ST3GAL3: variants seen among roughly 807,000 people sequenced by gnomAD.
The protein encoded by ST3GAL3 is ST3 beta-galactoside alpha-2,3-sialyltransferase 3.
A neutral mutation model predicts 50.1 loss-of-function variants in ST3GAL3; 21 were observed. That is an observed-to-expected ratio of 0.42 (90% CI 0.30 to 0.60). The LOEUF is 0.60. ST3GAL3 is among the 20% of genes least tolerant of loss of function. The pLI is 0.19. For missense variants in ST3GAL3, 353 were observed against 489.4 expected (o/e 0.72, Z 2.63); for synonymous variants, 183 against 190.0 (o/e 0.96, Z 0.30).
intron 5 of ST3GAL3, among the ~76,000 whole-genome samples, chr1:43,858,630 C>CAGCCCTGT (rs1311367041): frequency 1.1e-4 from 16 of 152,220 alleles, no homozygotes; most frequent in Admixed American, 9.2e-4. Flanking sequence ...CAGGAGCAAG[C>CAGCCCTGT]AGCCCTGTGA....
chr1:43,831,613 C>T (rs2063558043), intron 4 of ST3GAL3: 1 of 152,186 alleles, frequency 6.6e-6, no homozygotes, highest in Non-Finnish European at 1.5e-5. Flanking sequence ...TTTTTGGAAA[C>T]TGTTTTGTGG....
rs529434459 is a variant in ST3GAL3, at chr1:43,856,391, A to G, written c.302+18080A>G. 2.0e-5 allele frequency among the ~76,000 whole-genome samples: 3 copies of G among 152,346 alleles called. No individual in the cohort carries two copies. The South Asian group carries it at 6.2e-4, about 32-fold the overall frequency. Reference sequence around the variant, plus strand: ...GTAAGCTAACGACTTGCTCAAGGTCATAGTAGCACAGAGCCAGGAATCAAA... The same window carrying G: ...GTAAGCTAACGACTTGCTCAAGGTCGTAGTAGCACAGAGCCAGGAATCAAA... On this transcript the variant is annotated intron_variant, in intron 5 of 11. Transcript: ENST00000347631.
chr1:43,851,612 G>C, intron 5 of ST3GAL3: 1 of 1,315,100 alleles, frequency 7.6e-7, no homozygotes, highest in Non-Finnish European at 1.1e-6. Context: ...CCCTCTGCCG[G>C]TACTCTCCTT....
At chr1:43,929,286 A>T (rs890353596) in intron 11 of ST3GAL3, among the ~76,000 whole-genome samples, 1 of 148,426 alleles carries the variant, frequency 6.7e-6, no homozygotes, top group African/African-American at 2.5e-5. Flanking sequence ...AATTCTTTCA[A>T]TTAAAAAATT....
intron 3 of ST3GAL3, among the ~76,000 whole-genome samples, chr1:43,804,374 A>G (rs1322507162): frequency 3.9e-5 from 6 of 152,096 alleles, no homozygotes; most frequent in African/African-American, 1.4e-4. Flanking sequence ...CCTAAAGATG[A>G]TGCTTAAATT....
chr1:43,787,549 AC>A (rs2057499637), intron 2 of ST3GAL3, among the ~76,000 whole-genome samples: 1 of 152,246 alleles, frequency 6.6e-6, no homozygotes, highest in African/African-American at 2.4e-5. Flanking sequence ...TGAATATGTC[AC>A]CAACTTCCTC....
chr1:43,907,322 A>G (rs1426293207), intron 9 of ST3GAL3, among the ~76,000 whole-genome samples: 2 of 152,182 alleles, frequency 1.3e-5, no homozygotes, highest in East Asian at 3.8e-4. Flanking sequence ...TCCCTTTCCC[A>G]GTGCTTTCCT....
At chr1:43,770,086 CAA>C (rs1341841548) in intron 2 of ST3GAL3, among the ~76,000 whole-genome samples, 1 of 151,900 alleles carries the variant, frequency 6.6e-6, no homozygotes, top group African/African-American at 2.4e-5. Context: ...AGCACATAAT[CAA>C]AAGATTTTTG....
intron 2 of ST3GAL3, among the ~76,000 whole-genome samples, chr1:43,778,065 G>C (rs1009674877): frequency 6.6e-6 from 1 of 152,090 alleles, no homozygotes; most frequent in Non-Finnish European, 1.5e-5. Context: ...AAGAAAATGT[G>C]GTACATATAC....
chr1:43,868,088 T>C (rs951054597), intron 5 of ST3GAL3, among the ~76,000 whole-genome samples: 3 of 152,228 alleles, frequency 2.0e-5, no homozygotes, highest in Non-Finnish European at 2.9e-5. Context: ...AACATGTTTA[T>C]GATAATAGCA....
intron 2 of ST3GAL3, among the ~76,000 whole-genome samples, chr1:43,763,854 GAACTATACTCCTTACAGTGTT>G (rs2154124042): frequency 6.6e-6 from 1 of 152,248 alleles, no homozygotes; most frequent in South Asian, 2.1e-4. Context: ...ATTACTTAGT[GAACTATACTCCTTACAGTGTT>G]AACCTCTCTC....
chr1:43,821,924 T>C (rs770830914), intron 4 of ST3GAL3, among the ~76,000 whole-genome samples: 2 of 152,248 alleles, frequency 1.3e-5, no homozygotes, highest in Non-Finnish European at 2.9e-5. Flanking sequence ...TTCTGTGGTC[T>C]GAGGATATAC....
intron 2 of ST3GAL3, among the ~76,000 whole-genome samples, chr1:43,783,697 G>A (rs753916200): frequency 4.6e-5 from 7 of 151,908 alleles, no homozygotes; most frequent in African/African-American, 7.3e-5. Flanking sequence ...TGCTTGAGTC[G>A]TACACACAGG....
chr1:43,750,986 T>G (rs1034876507), intron 2 of ST3GAL3, among the ~76,000 whole-genome samples: 5 of 152,110 alleles, frequency 3.3e-5, no homozygotes, highest in Non-Finnish European at 5.9e-5. Context: ...ATATTTTTGG[T>G]ATATATGACA....
intron 5 of ST3GAL3, among the ~76,000 whole-genome samples, chr1:43,848,294 C>CTTTTTTTTTTTTTTTTTTT (rs58438507): frequency 1.4e-5 from 1 of 70,390 alleles, no homozygotes; most frequent in African/African-American, 6.0e-5. Context: ...TTGTGGTTTT[C>CTTTTTTTTTTTTTTTTTTT]TTTTTTTTTT....
At chr1:43,891,636 A>G (rs533637994) in intron 5 of ST3GAL3, among the ~76,000 whole-genome samples, 2 of 152,258 alleles carry the variant, frequency 1.3e-5, no homozygotes, top group South Asian at 4.1e-4. Context: ...ACATATATCA[A>G]ATACATGAAA....
At chr1:43,742,697 T>C (rs966749671) in intron 2 of ST3GAL3, among the ~76,000 whole-genome samples, 2 of 152,012 alleles carry the variant, frequency 1.3e-5, no homozygotes, top group African/African-American at 4.8e-5. Context: ...TAAAGGAAAA[T>C]ACAGTAGTGA....
At chr1:43,823,963 T>C (rs2154186074) in intron 4 of ST3GAL3, among the ~76,000 whole-genome samples, 1 of 152,354 alleles carries the variant, frequency 6.6e-6, no homozygotes. Context: ...CTTTCTGTTT[T>C]TTCCAAATTC....
chr1:43,776,876 A>G (rs892565656), intron 2 of ST3GAL3, among the ~76,000 whole-genome samples: 1 of 152,224 alleles, frequency 6.6e-6, no homozygotes, highest in Non-Finnish European at 1.5e-5. Context: ...GAGAAAGTAT[A>G]AAGACTTTGT....
Sources: allele counts gnomAD v4.1 joint callset (sites outside exome capture counted in the v4.1 genomes callset), GRCh38; gene constraint gnomAD v4.1.1; transcripts MANE v1.5; gene names NCBI Gene and HGNC (gene_info 2026-07-23, HGNC 2026-07-21).